Variants in TRPC5 observed in about 807,000 individuals in gnomAD.
The protein encoded by TRPC5 is short transient receptor potential channel 5.
A neutral mutation model predicts 56.5 loss-of-function variants in TRPC5; 9 were observed. That is an observed-to-expected ratio of 0.16 (90% CI 0.10 to 0.28). The LOEUF is 0.28. TRPC5 is among the 10% of genes least tolerant of loss of function. The pLI is 1.00. For synonymous variants in TRPC5, 282 were observed against 278.5 expected, an observed-to-expected ratio of 1.01 and a Z score of -0.13; for missense variants, 469 against 748.9, an observed-to-expected ratio of 0.63 and a Z score of 4.36.
chrX:111,920,563 T>G (rs1926101413), intron 2 of TRPC5, among the ~76,000 whole-genome samples: 1 of 111,130 alleles, frequency 9.0e-6, no homozygotes, highest in African/African-American at 3.3e-5. Context: ...GTCCCTGGAC[T>G]TCTGGGTCCC....
chrX:111,913,941 C>G (rs1239870006), intron 2 of TRPC5, among the ~76,000 whole-genome samples: 1 of 88,119 alleles, frequency 1.1e-5, no homozygotes, highest in South Asian at 6.8e-4. Context: ...GCCTGGGCAA[C>G]AGAGCAAGAC....
chrX:111,969,638 A>G (rs1254554092), intron 1 of TRPC5, among the ~76,000 whole-genome samples: 1 of 111,874 alleles, frequency 8.9e-6, no homozygotes, highest in Non-Finnish European at 1.9e-5. Context: ...TGGGTAGGAT[A>G]TAGATAGACA....
chrX:111,852,391 A>G lies in TRPC5; in HGVS notation c.1284T>C (p.Thr428=), dbSNP rs763505574. 4 of 1,210,123 alleles carry G rather than the reference A, an allele frequency of 3.3e-6. No individual in the cohort carries two copies. The highest frequency in any genetic ancestry group is 4.5e-6 in the Non-Finnish European group (4 of 894,571). The change falls in exon 5 of 11, where the codon ACT becomes ACC. Residue 428 remains threonine (T), a synonymous_variant. Coordinates refer to ENST00000262839, the MANE Select transcript of TRPC5 (RefSeq NM_012471.3). ...EIKEMWDGGF[T]EYIHDWWNLM... ...GGTTCCACCAGTCATGGATGTATTCAGTAAATCCACCATCCCACATTTCCT... is the reference window on the plus strand; with the variant it reads ...GGTTCCACCAGTCATGGATGTATTCGGTAAATCCACCATCCCACATTTCCT...
At chrX:111,890,277 C>T (rs781189851) in intron 3 of TRPC5, among the ~76,000 whole-genome samples, 15 of 111,991 alleles carry the variant, frequency 1.3e-4, no homozygotes, top group East Asian at 5.6e-4. Context: ...GCTTTGAATA[C>T]GGCCCAACAC....
chrX:111,774,266 A>G lies in TRPC5; in HGVS notation c.*2047T>C, dbSNP rs1056144258. On this transcript the variant is annotated 3_prime_UTR_variant, in exon 11 of 11. Coordinates refer to ENST00000262839, the MANE Select transcript of TRPC5 (RefSeq NM_012471.3). ...CAGAAGTGATATACATTTCTGAGAA[A>G]AACATGTTTTTCTTTTTATAAAATG... is the stretch of plus-strand genomic sequence containing the variant. 8.9e-6 allele frequency: 1 copy of G among 111,930 alleles called. No individual in the cohort carries two copies. The allele number at this position is 111,930 out of a possible 1,213,427, so 9.2% of individuals were successfully genotyped here. A position where few individuals can be genotyped will look rare whatever the true frequency, so the allele number is the denominator to read the frequency against.
At chrX:111,974,549 T>TAGC (rs1295777877) in intron 1 of TRPC5, among the ~76,000 whole-genome samples, 1 of 112,245 alleles carries the variant, frequency 8.9e-6, no homozygotes, top group East Asian at 2.8e-4. Context: ...TTGGAACAGA[T>TAGC]AGCACTGTGG....
At chrX:112,016,050 GA>G (rs753200524) in intron 1 of TRPC5, among the ~76,000 whole-genome samples, 16 of 111,139 alleles carry the variant, frequency 1.4e-4, no homozygotes, top group Middle Eastern at 4.6e-3. Context: ...AGCAGACCAG[GA>G]AAAAAAATCT....
At chrX:111,915,637 A>T (rs745957059) in intron 2 of TRPC5, among the ~76,000 whole-genome samples, 2 of 111,859 alleles carry the variant, frequency 1.8e-5, no homozygotes, top group Admixed American at 9.5e-5. Context: ...GTCTTACATT[A>T]TTCTCAAATT....
At chrX:111,829,774 G>A (rs1388000759) in intron 7 of TRPC5, among the ~76,000 whole-genome samples, 1 of 113,261 alleles carries the variant, frequency 8.8e-6, no homozygotes, top group Non-Finnish European at 1.9e-5. Context: ...GCATGGAAAT[G>A]CCTGAATGTC....
intron 3 of TRPC5, among the ~76,000 whole-genome samples, chrX:111,856,200 A>C (rs1162330485): frequency 9.0e-6 from 1 of 111,050 alleles, no homozygotes; most frequent in Non-Finnish European, 1.9e-5. Flanking sequence ...CTGGAGAGGT[A>C]AACAGGGGTT....
At chrX:112,034,141 G>A (rs1417340164) in intron 1 of TRPC5, among the ~76,000 whole-genome samples, 1 of 111,046 alleles carries the variant, frequency 9.0e-6, no homozygotes, top group Non-Finnish European at 1.9e-5. Context: ...ATGAATTTGA[G>A]GATAAGGTTT....
At chrX:111,929,362 G>T (rs913073831) in intron 2 of TRPC5, among the ~76,000 whole-genome samples, 6 of 112,467 alleles carry the variant, frequency 5.3e-5, no homozygotes. Flanking sequence ...ACCGTGCCAA[G>T]GTTGTGTTCC....
intron 1 of TRPC5, among the ~76,000 whole-genome samples, chrX:112,029,603 T>A (rs1426629268): frequency 9.0e-6 from 1 of 111,665 alleles, no homozygotes; most frequent in African/African-American, 3.3e-5. Context: ...TAATTTACAT[T>A]TCCACCAGCA....
At chrX:111,960,201 C>A (rs959856912) in intron 1 of TRPC5, among the ~76,000 whole-genome samples, 4 of 111,927 alleles carry the variant, frequency 3.6e-5, no homozygotes, top group Admixed American at 2.9e-4. Context: ...TCTTCTGACT[C>A]TAAAAGGACT....
chrX:112,001,099 A>C (rs1202786745), intron 1 of TRPC5, among the ~76,000 whole-genome samples: 3 of 112,486 alleles, frequency 2.7e-5, no homozygotes, highest in Non-Finnish European at 5.6e-5. Flanking sequence ...TGTCAAGTAC[A>C]TTCTTGCAGT....
At chrX:112,046,075 C>G (rs1445220664) in intron 1 of TRPC5, among the ~76,000 whole-genome samples, 6 of 109,780 alleles carry the variant, frequency 5.5e-5, no homozygotes, top group Admixed American at 2.0e-4. Flanking sequence ...AGCCCTATAA[C>G]AAATAATTAT....
chrX:111,847,059 C>T (rs1922949875), intron 6 of TRPC5, 55 bp downstream of exon 6: 7 of 1,123,220 alleles, frequency 6.2e-6, no homozygotes, highest in Non-Finnish European at 7.1e-6. Flanking sequence ...ATGGAGAAGG[C>T]GGAAAAAATG....
At chrX:111,795,050 A>G (rs1315102132) in intron 7 of TRPC5, among the ~76,000 whole-genome samples, 1 of 111,480 alleles carries the variant, frequency 9.0e-6, no homozygotes, top group Non-Finnish European at 1.9e-5. Context: ...TGTAGATTCC[A>G]TAGGGGTCTC....
At chrX:111,935,808 T>C (rs1052119735) in intron 2 of TRPC5, among the ~76,000 whole-genome samples, 9 of 111,672 alleles carry the variant, frequency 8.1e-5, no homozygotes, top group Admixed American at 4.8e-4. Flanking sequence ...CTGGGTTCTC[T>C]ATTCTGTTCC....
Sources: allele counts gnomAD v4.1 joint callset (sites outside exome capture counted in the v4.1 genomes callset), GRCh38; gene constraint gnomAD v4.1.1; transcripts MANE v1.5; gene names NCBI Gene and HGNC (gene_info 2026-07-23, HGNC 2026-07-21).